The following NLGN1 variants were observed in gnomAD, a reference collection of about 807,000 sequenced individuals.
NLGN1 encodes the protein neuroligin-1.
Under a neutral mutation model 65.5 loss-of-function variants are expected in NLGN1, and 12 were observed. The observed-to-expected ratio is 0.18, with a 90% CI of 0.12 to 0.30. The LOEUF (loss-of-function observed/expected upper bound fraction) is 0.30. Ranked by LOEUF, NLGN1 falls within the 10% of genes least tolerant of loss-of-function variation. NLGN1 has a pLI of 1.00. For synonymous variants in NLGN1, 350 were observed against 359.5 expected (o/e 0.97, Z 0.30); for missense variants, 750 against 1,007.1 (o/e 0.74, Z 3.46).
chr3:173,531,197 G>A (rs891339138), intron 2 of NLGN1, among the ~76,000 whole-genome samples: 1 of 151,694 alleles, frequency 6.6e-6, no homozygotes, highest in Non-Finnish European at 1.5e-5. Flanking sequence ...CCTTTTTATT[G>A]CTATTATTTC....
At chr3:173,495,580 T>C (rs1729875541) in intron 2 of NLGN1, among the ~76,000 whole-genome samples, 1 of 151,140 alleles carries the variant, frequency 6.6e-6, no homozygotes, top group Admixed American at 6.6e-5. Context: ...TTACATTCAA[T>C]ATTTGACCAT....
intron 4 of NLGN1, among the ~76,000 whole-genome samples, chr3:174,219,385 T>C (rs985184913): frequency 2.6e-5 from 4 of 152,080 alleles, no homozygotes; most frequent in African/African-American, 4.8e-5. Context: ...ATCTGCTGCA[T>C]TGAGTTGTTG....
chr3:173,953,043 T>TA (rs1261240748), intron 4 of NLGN1, among the ~76,000 whole-genome samples: 7 of 152,264 alleles, frequency 4.6e-5, no homozygotes, highest in Admixed American at 3.9e-4. Context: ...CCTCCCAAAG[T>TA]GCTGGTATTA....
At chr3:174,010,191 C>T (rs1336254957) in intron 4 of NLGN1, among the ~76,000 whole-genome samples, 1 of 152,132 alleles carries the variant, frequency 6.6e-6, no homozygotes, top group African/African-American at 2.4e-5. Context: ...CCTCTGAAGA[C>T]AAACTCTATA....
chr3:174,085,507 C>T (rs962478519), intron 4 of NLGN1, among the ~76,000 whole-genome samples: 2 of 151,904 alleles, frequency 1.3e-5, no homozygotes, highest in African/African-American at 4.8e-5. Flanking sequence ...AAACCTCCTC[C>T]CAAAGAATTT....
chr3:173,652,377 G>A (rs561826448), intron 3 of NLGN1, among the ~76,000 whole-genome samples: 1 of 152,168 alleles, frequency 6.6e-6, no homozygotes, highest in East Asian at 1.9e-4. Flanking sequence ...TTAGGTTTTT[G>A]TCTATCATTT....
Position 173,969,242 on chromosome 3 carries a change from G to A in NLGN1, c.646+161410G>A, listed in dbSNP as rs80266614. 9.1e-4 allele frequency among the ~76,000 whole-genome samples: 139 copies of A among 152,062 alleles called. 1 individual carries two copies. In the East Asian group the frequency reaches 0.024, roughly 27 times the overall value. ...GATTTTCCTTCAGTTAAGGCCATAA[G>A]GACAATATGCCACATGATATGATTT... On this transcript the variant is annotated intron_variant, in intron 4 of 6. Coordinates refer to ENST00000457714, the Ensembl canonical transcript of NLGN1.
intron 3 of NLGN1, among the ~76,000 whole-genome samples, chr3:173,790,440 C>T (rs1450692821): frequency 1.3e-5 from 2 of 152,134 alleles, no homozygotes; most frequent in Non-Finnish European, 2.9e-5. Flanking sequence ...TATCATTACT[C>T]TCACTGTATT....
At chr3:173,723,486 AT>A (rs1336806391) in intron 3 of NLGN1, among the ~76,000 whole-genome samples, 1 of 152,142 alleles carries the variant, frequency 6.6e-6, no homozygotes, top group Non-Finnish European at 1.5e-5. Context: ...TCTCATTTCA[AT>A]GTTGAATCAT....
At chr3:174,006,048 G>A (rs143393077) in intron 4 of NLGN1, among the ~76,000 whole-genome samples, 269 of 152,062 alleles carry the variant, frequency 1.8e-3, no homozygotes, top group African/African-American at 6.1e-3. Context: ...AACCTAACAG[G>A]ACTATTTGAT....
Position 174,194,694 on chromosome 3 carries a change from G to GTA in NLGN1, c.647-80610_647-80609dup, listed in dbSNP as rs375875398. On this transcript the variant is annotated intron_variant, in intron 4 of 6. Coordinates refer to ENST00000457714, the Ensembl canonical transcript of NLGN1. ...AGTAAATAAACATTTGTGTGTGTGT[G>GTA]TATATATATATAGACATAGATAGTT... 1.8e-4 allele frequency among the ~76,000 whole-genome samples: 27 copies of GTA among 147,412 alleles called. 1 individual carries two copies. In the South Asian group the frequency reaches 2.6e-3, roughly 14 times the overall value.
At chr3:173,500,241 A>C (rs1427255360) in intron 2 of NLGN1, among the ~76,000 whole-genome samples, 1 of 152,156 alleles carries the variant, frequency 6.6e-6, no homozygotes, top group Admixed American at 6.6e-5. Flanking sequence ...TACCTAATTT[A>C]TTGAGAGTTT....
At chr3:173,444,681 C>G (rs574408515) in intron 2 of NLGN1, among the ~76,000 whole-genome samples, 40 of 152,106 alleles carry the variant, frequency 2.6e-4, no homozygotes, top group African/African-American at 9.4e-4. Context: ...TATTTCCTGG[C>G]CTCAACGGCT....
At chr3:174,025,636 A>G (rs1728682335) in intron 4 of NLGN1, among the ~76,000 whole-genome samples, 1 of 152,192 alleles carries the variant, frequency 6.6e-6, no homozygotes, top group Non-Finnish European at 1.5e-5. Flanking sequence ...AAATAGGAAA[A>G]AAGACAAACT....
chr3:173,404,210 C>G (rs946785374), intron 1 of NLGN1, among the ~76,000 whole-genome samples: 8 of 152,150 alleles, frequency 5.3e-5, no homozygotes, highest in African/African-American at 1.9e-4. Flanking sequence ...TGCAATAACT[C>G]TTTCTTCAGT....
intron 1 of NLGN1, among the ~76,000 whole-genome samples, chr3:173,404,163 T>C (rs1250040654): frequency 1.3e-5 from 2 of 152,184 alleles, no homozygotes; most frequent in Non-Finnish European, 2.9e-5. Context: ...TGTCTCAACT[T>C]TTTTTCCCTC....
At chr3:174,151,221 C>T (rs190587767) in intron 4 of NLGN1, among the ~76,000 whole-genome samples, 4 of 152,034 alleles carry the variant, frequency 2.6e-5, no homozygotes, top group African/African-American at 2.4e-5. Context: ...GTTAATTCCT[C>T]ACTTACCCTC....
intron 4 of NLGN1, among the ~76,000 whole-genome samples, chr3:173,853,658 C>G (rs1000008883): frequency 6.6e-6 from 1 of 152,002 alleles, no homozygotes; most frequent in African/African-American, 2.4e-5. Flanking sequence ...ATTTTTCTTA[C>G]TGTATTTGAC....
intron 4 of NLGN1, among the ~76,000 whole-genome samples, chr3:174,178,518 A>G (rs1440462016): frequency 6.6e-6 from 1 of 152,140 alleles, no homozygotes; most frequent in Non-Finnish European, 1.5e-5. Flanking sequence ...TCCGGTGCTT[A>G]AAGTAGAAGA....
Sources: allele counts gnomAD v4.1 joint callset (sites outside exome capture counted in the v4.1 genomes callset), GRCh38; gene constraint gnomAD v4.1.1; transcripts MANE v1.5; gene names NCBI Gene and HGNC (gene_info 2026-07-23, HGNC 2026-07-21).